The following TSHZ2 variants were observed in gnomAD, a reference collection of about 807,000 sequenced individuals.
TSHZ2 encodes teashirt homolog 2.
Under a neutral mutation model 74.4 loss-of-function variants are expected in TSHZ2, and 21 were observed. The ratio of observed to expected loss-of-function variants is 0.28; its 90% confidence interval spans 0.20 to 0.41. TSHZ2 has a LOEUF of 0.41. TSHZ2 is among the 10% of genes least tolerant of loss of function. The pLI, the probability that TSHZ2 is intolerant of heterozygous loss-of-function variation, is 1.00. For synonymous variants in TSHZ2, 540 were observed against 515.3 expected, an observed-to-expected ratio of 1.05 and a Z score of -0.65; for missense variants, 1,244 against 1,293.5, an observed-to-expected ratio of 0.96 and a Z score of 0.59.
At chr20:52,999,479 T>G (rs1039536797) in intron 1 of TSHZ2, among the ~76,000 whole-genome samples, 3 of 152,234 alleles carry the variant, frequency 2.0e-5, no homozygotes, top group African/African-American at 7.2e-5. Context: ...CAAGGGCCAG[T>G]GTGCGATAGG....
At chr20:53,432,615 C>G (rs889216806) in intron 2 of TSHZ2, among the ~76,000 whole-genome samples, 5 of 152,224 alleles carry the variant, frequency 3.3e-5, no homozygotes, top group Non-Finnish European at 7.3e-5. Flanking sequence ...TCCCTTTTCA[C>G]TACATCCATG....
At position 53,323,678 on chromosome 20, in the gene TSHZ2, C is replaced by T. The variant is rs760356881; in HGVS notation, c.*8+67107C>T. The stretch of plus-strand genomic sequence containing the variant: ...GCAACCTCCGACTCCCAGGTTCAAG[C>T]GATTATCTTGCCTCACCCTCCTGAG... On this transcript the variant is annotated intron_variant, in intron 2 of 2. Coordinates refer to ENST00000371497, the MANE Select transcript of TSHZ2 (RefSeq NM_173485.6). 4.4e-4 allele frequency among the ~76,000 whole-genome samples: 61 copies of T among 138,442 alleles called. 1 individual carries two copies. The highest frequency in any genetic ancestry group is 4.1e-3 in the Admixed American group (51 of 12,362). The allele number at this position is 138,442 out of a possible 152,430, so 90.8% of individuals were successfully genotyped here. A position where few individuals can be genotyped will look rare whatever the true frequency, so the allele number is the denominator to read the frequency against.
chr20:53,307,871 A>C (rs368162489), intron 2 of TSHZ2, among the ~76,000 whole-genome samples: 1 of 152,028 alleles, frequency 6.6e-6, no homozygotes, highest in African/African-American at 2.4e-5. Flanking sequence ...CTTTACCCCA[A>C]CTCAGACTCA....
intron 1 of TSHZ2, among the ~76,000 whole-genome samples, chr20:53,110,513 G>A (rs1426608938): frequency 6.6e-6 from 1 of 152,044 alleles, no homozygotes; most frequent in East Asian, 1.9e-4. Flanking sequence ...CTACTTGGAG[G>A]CATGCTAGTT....
chr20:53,192,737 T>TTCCAGAATC (rs1988768393), intron 1 of TSHZ2, among the ~76,000 whole-genome samples: 1 of 152,176 alleles, frequency 6.6e-6, no homozygotes, highest in African/African-American at 2.4e-5. Context: ...TGGCTTCTCA[T>TTCCAGAATC]TGGCAATGCT....
At chr20:53,340,280 T>G (rs183154779) in intron 2 of TSHZ2, among the ~76,000 whole-genome samples, 86 of 139,776 alleles carry the variant, frequency 6.2e-4, no homozygotes, top group African/African-American at 2.1e-3. Context: ...CCTCCCAAGT[T>G]CACGTCATTC....
At chr20:53,334,729 C>A (rs1979873068) in intron 2 of TSHZ2, among the ~76,000 whole-genome samples, 2 of 151,648 alleles carry the variant, frequency 1.3e-5, no homozygotes, top group African/African-American at 4.9e-5. Context: ...GAGTCTCGCT[C>A]TGTCGCCCAG....
At chr20:53,153,698 T>C (rs1987727138) in intron 1 of TSHZ2, among the ~76,000 whole-genome samples, 1 of 152,170 alleles carries the variant, frequency 6.6e-6, no homozygotes, top group Non-Finnish European at 1.5e-5. Context: ...GATGCAAATT[T>C]CATGAAAAGA....
chr20:53,167,603 G>A (rs1846358406), intron 1 of TSHZ2, among the ~76,000 whole-genome samples: 1 of 152,130 alleles, frequency 6.6e-6, no homozygotes, highest in Admixed American at 6.5e-5. Context: ...GTGTATGTGT[G>A]TGTTTAATAA....
chr20:53,480,021 C>T lies in TSHZ2; in HGVS notation c.*9-7123C>T, dbSNP rs1986105223. On this transcript the variant is annotated intron_variant, in intron 2 of 2. Coordinates refer to ENST00000371497, the MANE Select transcript of TSHZ2 (RefSeq NM_173485.6). Reference sequence around the variant, plus strand: ...GGGAGGACGAGGCGGGAGGATCACTCGAGCCCAGGAGTTGAAGACCAGCAT... The same window carrying T: ...GGGAGGACGAGGCGGGAGGATCACTTGAGCCCAGGAGTTGAAGACCAGCAT... Among the ~76,000 whole-genome samples the T allele has an allele frequency of 2.6e-5, 4 of 151,316 alleles. No homozygotes were observed. In the South Asian group the frequency reaches 8.4e-4, roughly 32 times the overall value.
intron 2 of TSHZ2, among the ~76,000 whole-genome samples, chr20:53,365,014 G>A (rs1353194714): frequency 6.6e-6 from 1 of 152,356 alleles, no homozygotes; most frequent in Non-Finnish European, 1.5e-5. Context: ...GTGCCAACAG[G>A]CAGAACAGCC....
intron 2 of TSHZ2, among the ~76,000 whole-genome samples, chr20:53,300,264 G>A (rs1475960134): frequency 6.6e-6 from 1 of 152,230 alleles, no homozygotes; most frequent in African/African-American, 2.4e-5. Flanking sequence ...ACCTTAGGAT[G>A]TATTCAAGAG....
intron 2 of TSHZ2, among the ~76,000 whole-genome samples, chr20:53,349,584 A>G (rs1171737187): frequency 1.3e-5 from 2 of 150,088 alleles, no homozygotes; most frequent in African/African-American, 4.9e-5. Flanking sequence ...TCTGGGAGGT[A>G]GAGGTTGCAG....
intron 1 of TSHZ2, among the ~76,000 whole-genome samples, chr20:53,210,993 G>T (rs1223767918): frequency 1.3e-5 from 2 of 152,092 alleles, no homozygotes; most frequent in Admixed American, 1.3e-4. Context: ...AAGAAAAAAA[G>T]AGAAAAAACA....
At chr20:53,143,272 A>G (rs1318943494) in intron 1 of TSHZ2, among the ~76,000 whole-genome samples, 2 of 152,184 alleles carry the variant, frequency 1.3e-5, no homozygotes, top group African/African-American at 4.8e-5. Flanking sequence ...TGATATTCAC[A>G]GTTTCCTATG....
intron 1 of TSHZ2, among the ~76,000 whole-genome samples, chr20:53,005,869 T>C (rs1377859515): frequency 6.6e-6 from 1 of 152,182 alleles, no homozygotes; most frequent in Non-Finnish European, 1.5e-5. Context: ...GCCCATTGGG[T>C]TAATAGCATT....
intron 2 of TSHZ2, among the ~76,000 whole-genome samples, chr20:53,361,634 G>A (rs1981057468): frequency 6.6e-6 from 1 of 152,058 alleles, no homozygotes; most frequent in Non-Finnish European, 1.5e-5. Context: ...ATCGCCCTTA[G>A]TCAGCTTTCC....
intron 1 of TSHZ2, among the ~76,000 whole-genome samples, chr20:53,075,149 G>A (rs900552156): frequency 1.2e-4 from 18 of 152,306 alleles, no homozygotes; most frequent in East Asian, 5.8e-4. Context: ...TCATTGTGAC[G>A]TGCTTGGCCT....
chr20:53,237,814 C>T (rs369837227), intron 1 of TSHZ2, among the ~76,000 whole-genome samples: 10 of 152,266 alleles, frequency 6.6e-5, no homozygotes, highest in Admixed American at 6.5e-5. Flanking sequence ...CTCTATCTAT[C>T]GTCTCAATGA....
Sources: allele counts gnomAD v4.1 joint callset (sites outside exome capture counted in the v4.1 genomes callset), GRCh38; gene constraint gnomAD v4.1.1; transcripts MANE v1.5; gene names NCBI Gene and HGNC (gene_info 2026-07-23, HGNC 2026-07-21).